Variants in NEMP2 observed in about 807,000 individuals in gnomAD.
The protein encoded by NEMP2 is UPF0571 transmembrane protein.
NEMP2 carries 53 observed loss-of-function variants against 54.2 expected under a neutral mutation model. The ratio of observed to expected loss-of-function variants is 0.98; its 90% confidence interval spans 0.78 to 1.23. The LOEUF is 1.23. Among genes scored for constraint, NEMP2 ranks in the 50% most tolerant of loss-of-function variants. The pLI is 0.00. For missense variants in NEMP2, 455 were observed against 511.3 expected (o/e 0.89, Z 1.06); for synonymous variants, 197 against 190.3 (o/e 1.04, Z -0.29).
chr2:190,625,458 G>A, the NEMP2 span: 1 of 152,286 alleles, frequency 6.6e-6, no homozygotes, highest in Admixed American at 6.5e-5. Flanking sequence ...TCTTTTTCGG[G>A]TAATGAAAAT....
the NEMP2 span, among the ~76,000 whole-genome samples, chr2:190,592,124 G>A: frequency 6.6e-6 from 1 of 152,112 alleles, no homozygotes; most frequent in Non-Finnish European, 1.5e-5. The surrounding 1 kb of genome is among the most constrained non-coding windows in gnomAD (Gnocchi z 4.4). Flanking sequence ...TCCCCCAGAG[G>A]TGCAGGGGGG....
chr2:190,491,758 C>T, the NEMP2 span, among the ~76,000 whole-genome samples: 6 of 152,154 alleles, frequency 3.9e-5, no homozygotes, highest in Non-Finnish European at 8.8e-5. The surrounding 1 kb of genome is among the most constrained non-coding windows in gnomAD (Gnocchi z 4.2). Context: ...GTTCTTTAAC[C>T]TGCCCCAACA....
the NEMP2 span, among the ~76,000 whole-genome samples, chr2:190,424,027 A>G: frequency 2.0e-5 from 3 of 152,244 alleles, no homozygotes; most frequent in African/African-American, 7.2e-5. This position sits in a 1 kb window ranked among gnomAD's most constrained non-coding sequence, Gnocchi z 5.9. Context: ...TACATATTCT[A>G]GAAACTAATC....
chr2:190,515,725 G>A (rs1045491990), intron 6 of NEMP2, among the ~76,000 whole-genome samples: 2 of 152,074 alleles, frequency 1.3e-5, no homozygotes, highest in African/African-American at 2.4e-5. Context: ...CTAAAGGTTA[G>A]GAGAAAATTG....
At chr2:190,473,786 C>CGCACT in the NEMP2 span, among the ~76,000 whole-genome samples, 1 of 151,834 alleles carries the variant, frequency 6.6e-6, no homozygotes, top group Admixed American at 6.6e-5. Context: ...AGCACCACAC[C>CGCACT]TATTCCAAAA....
the NEMP2 span, among the ~76,000 whole-genome samples, chr2:190,492,414 A>G: frequency 5.9e-5 from 9 of 152,356 alleles, no homozygotes; most frequent in Non-Finnish European, 8.8e-5. This position sits in a 1 kb window ranked among gnomAD's most constrained non-coding sequence, Gnocchi z 5.2. Context: ...CAGATAACCT[A>G]TAAAGGAAAA....
the NEMP2 span, among the ~76,000 whole-genome samples, chr2:190,629,571 T>C: frequency 6.6e-6 from 1 of 152,170 alleles, no homozygotes; most frequent in South Asian, 2.1e-4. Flanking sequence ...AGTTTATAAA[T>C]AGAATAATTC....
chr2:190,449,953 A>T, the NEMP2 span, among the ~76,000 whole-genome samples: 2 of 152,132 alleles, frequency 1.3e-5, no homozygotes, highest in East Asian at 3.8e-4. Context: ...AGCATGGCAC[A>T]TGTATACATA....
At chr2:190,551,282 T>C in the NEMP2 span, among the ~76,000 whole-genome samples, 1 of 151,950 alleles carries the variant, frequency 6.6e-6, no homozygotes, top group Non-Finnish European at 1.5e-5. Flanking sequence ...TCATAGATTC[T>C]GGTTATTTGT....
the NEMP2 span, chr2:190,646,789 T>C: frequency 6.6e-6 from 1 of 152,218 alleles, no homozygotes; most frequent in Non-Finnish European, 1.5e-5. Flanking sequence ...ACAGACAAGC[T>C]TGGGAAGAGG....
At chr2:190,432,849 C>G in the NEMP2 span, among the ~76,000 whole-genome samples, 1 of 147,900 alleles carries the variant, frequency 6.8e-6, no homozygotes, top group African/African-American at 2.5e-5. Context: ...CACTCTCTCT[C>G]TCTCTCTCTT....
the NEMP2 span, among the ~76,000 whole-genome samples, chr2:190,572,743 A>G: frequency 6.7e-6 from 1 of 149,328 alleles, no homozygotes; most frequent in Non-Finnish European, 1.5e-5. Context: ...TGTATAATCA[A>G]TAATTATTTA....
the NEMP2 span, among the ~76,000 whole-genome samples, chr2:190,449,418 G>A: frequency 6.6e-6 from 1 of 152,030 alleles, no homozygotes; most frequent in Non-Finnish European, 1.5e-5. Flanking sequence ...AGGTTGCAGT[G>A]AGCCGAGATG....
At chr2:190,628,663 G>GGGCAGTGTTTGGGGCTGTGTACC in the NEMP2 span, 1 of 152,314 alleles carries the variant, frequency 6.6e-6, no homozygotes, top group Admixed American at 6.5e-5. This position sits in a 1 kb window ranked among gnomAD's most constrained non-coding sequence, Gnocchi z 4.1. Context: ...AGCTGGGGAT[G>GGGCAGTGTTTGGGGCTGTGTACC]GGCAGTGTTT....
At chr2:190,501,724 T>C (rs1399158544), downstream of NEMP2, 2 of 152,604 alleles carry the variant, frequency 1.3e-5, no homozygotes, top group Admixed American at 1.3e-4. Context: ...GATGTCTCGC[T>C]TCACAATAAA....
At chr2:190,464,342 T>G in the NEMP2 span, among the ~76,000 whole-genome samples, 1 of 152,226 alleles carries the variant, frequency 6.6e-6, no homozygotes, top group African/African-American at 2.4e-5. Flanking sequence ...CATCAGTCAT[T>G]AGGTGAATAG....
At chr2:190,540,434 C>T in the NEMP2 span, among the ~76,000 whole-genome samples, 2 of 152,038 alleles carry the variant, frequency 1.3e-5, no homozygotes, top group Admixed American at 6.6e-5. Context: ...CAGACGCATG[C>T]CACCAAGCCC....
chr2:190,629,414 A>C, the NEMP2 span, among the ~76,000 whole-genome samples: 1 of 152,240 alleles, frequency 6.6e-6, no homozygotes. Flanking sequence ...TCAGTTTGTA[A>C]GGAGTCCCTT....
chr2:190,588,979 C>T, the NEMP2 span, among the ~76,000 whole-genome samples: 1 of 152,136 alleles, frequency 6.6e-6, no homozygotes, highest in Non-Finnish European at 1.5e-5. This position sits in a 1 kb window ranked among gnomAD's most constrained non-coding sequence, Gnocchi z 5.0. Flanking sequence ...ACAGTATGTA[C>T]CTCACTAGAG....
Sources: gnomAD v4.1 joint callset for allele counts (sites outside exome capture counted in the v4.1 genomes callset) on GRCh38, gnomAD v4.1.1 for gene constraint, Gnocchi (gnomAD v3.1) non-coding constraint, MANE v1.5 for transcripts, NCBI Gene and HGNC (gene_info 2026-07-23, HGNC 2026-07-21) for gene names.